Variants in STT3B observed in about 807,000 individuals in gnomAD.
STT3B encodes dolichyl-diphosphooligosaccharide--protein glycosyltransferase subunit STT3B.
In STT3B, 29 loss-of-function variants were observed where a neutral mutation model predicts 96.8. That is an observed-to-expected ratio of 0.30 (90% confidence interval 0.22 to 0.41). STT3B has a LOEUF of 0.41. Ranked by LOEUF, STT3B falls within the 10% of genes least tolerant of loss-of-function variation. The pLI, the probability that STT3B is intolerant of heterozygous loss-of-function variation, is 1.00. For missense variants in STT3B, 640 were observed against 1,022.3 expected (o/e 0.63, Z 5.10); for synonymous variants, 367 against 360.0 (o/e 1.02, Z -0.22).
rs1363652117 is a variant in STT3B, at chr3:31,594,108, CT to C, written c.712-2688del. On this transcript the variant is annotated intron_variant, in intron 3 of 15. Transcript: ENST00000295770. Reference sequence around the variant, plus strand: ...AATGAAGACCAAATGGTGAGCATGACTTATTGTCTGGGAAAAAACTCAATCC... The same window carrying C: ...AATGAAGACCAAATGGTGAGCATGACTATTGTCTGGGAAAAAACTCAATCC... Among the ~76,000 whole-genome samples the C allele has an allele frequency of 8.5e-5, 13 of 152,320 alleles. No homozygotes were observed. The East Asian group carries it at 2.5e-3, about 29-fold the overall frequency.
chr3:31,605,406 A>C (rs571636233), intron 5 of STT3B, among the ~76,000 whole-genome samples: 28 of 152,184 alleles, frequency 1.8e-4, no homozygotes, highest in Admixed American at 1.8e-3. Context: ...TTTCATCTTG[A>C]ATTGTAGCTC....
intron 1 of STT3B, among the ~76,000 whole-genome samples, chr3:31,545,814 G>GTT (rs11350127): frequency 4.3e-5 from 6 of 138,112 alleles, no homozygotes; most frequent in East Asian, 2.2e-4. Context: ...ATTAGGAGTG[G>GTT]TTTTTTTTTT....
intron 9 of STT3B, 56 bp from the exon 10 acceptor site, chr3:31,622,041 C>A: frequency 1.4e-6 from 2 of 1,422,588 alleles, no homozygotes; most frequent in South Asian, 2.3e-5. Context: ...GTATCTAGTT[C>A]AGTTTCCTGG....
chr3:31,586,455 AG>A (rs1698538376), intron 3 of STT3B, among the ~76,000 whole-genome samples: 1 of 152,054 alleles, frequency 6.6e-6, no homozygotes, highest in Non-Finnish European at 1.5e-5. Context: ...ATCTTCTCTA[AG>A]AGATCTTTGC....
chr3:31,571,099 T>C (rs971164979), intron 1 of STT3B, among the ~76,000 whole-genome samples: 1 of 152,128 alleles, frequency 6.6e-6, no homozygotes, highest in Non-Finnish European at 1.5e-5. Flanking sequence ...AGGAGAGTAT[T>C]TGTCAACTAG....
At chr3:31,611,286 GTTAT>G (rs1177537298) in intron 5 of STT3B, among the ~76,000 whole-genome samples, 1 of 152,044 alleles carries the variant, frequency 6.6e-6, no homozygotes, top group African/African-American at 2.4e-5. Flanking sequence ...TAATATTATG[GTTAT>G]TTGTTTACAT....
chr3:31,563,153 T>C (rs1057348440), intron 1 of STT3B, among the ~76,000 whole-genome samples: 2 of 152,208 alleles, frequency 1.3e-5, no homozygotes, highest in African/African-American at 4.8e-5. Context: ...TTGAATTTCA[T>C]TGTTCTCTCT....
intron 3 of STT3B, among the ~76,000 whole-genome samples, chr3:31,588,640 T>C (rs1698599294): frequency 6.6e-6 from 1 of 152,102 alleles, no homozygotes; most frequent in Admixed American, 6.6e-5. Flanking sequence ...TTCTAGAAAG[T>C]GTTGCACTTT....
intron 5 of STT3B, among the ~76,000 whole-genome samples, chr3:31,614,554 T>G (rs1417963205): frequency 6.6e-6 from 1 of 151,974 alleles, no homozygotes. Context: ...TTGACTTCTG[T>G]GTACTTAGTT....
Position 31,633,284 on chromosome 3 carries a change from T to C in STT3B, c.2400+137T>C. The C allele has an allele frequency of 6.5e-6, 5 of 764,468 alleles. No individual in the cohort carries two copies. In the South Asian group the frequency reaches 9.5e-5, roughly 15 times the overall value. The allele number at this position is 764,468 out of a possible 1,614,324, so 47.4% of individuals were successfully genotyped here. On this transcript the variant is annotated intron_variant, in intron 15 of 15. Coordinates refer to ENST00000295770, the MANE Select transcript of STT3B (RefSeq NM_178862.3). ...GGCTTCTATATTAATACGAAGTAAATATCAGCCTAGCCTGCTAGGAGCATT... is the reference window on the plus strand; with the variant it reads ...GGCTTCTATATTAATACGAAGTAAACATCAGCCTAGCCTGCTAGGAGCATT...
At chr3:31,630,052 C>T (rs947976391) in intron 14 of STT3B, among the ~76,000 whole-genome samples, 1 of 152,138 alleles carries the variant, frequency 6.6e-6, no homozygotes, top group African/African-American at 2.4e-5. Flanking sequence ...CCTTGGATTC[C>T]ACTTGGTTCT....
At chr3:31,624,159 T>C (rs1463115525) in intron 11 of STT3B, among the ~76,000 whole-genome samples, 1 of 152,200 alleles carries the variant, frequency 6.6e-6, no homozygotes, top group Non-Finnish European at 1.5e-5. Context: ...TATTTTTAAA[T>C]GTATAATTAA....
chr3:31,615,198 C>T lies in STT3B; in HGVS notation c.971C>T (p.Ala324Val). Reference protein sequence around the residue: ...QPIRTSEHMAAAGVFALLQAY... With the variant: ...QPIRTSEHMAVAGVFALLQAY... ...ATCAGAACAAGTGAACACATGGCAG[C>T]TGCAGGTATGAAAAATATATATTTT... The change falls in exon 6 of 16, where the codon GCT becomes GTT. Residue 324 changes from alanine (A) to valine (V), a missense_variant. Ala to Val is a moderately conservative substitution (Grantham distance 64). This residue lies in a region of STT3B where 267 missense variants were observed against 388.3 expected (regional missense o/e 0.69). Coordinates refer to ENST00000295770, the MANE Select transcript of STT3B (RefSeq NM_178862.3). 6.2e-7 allele frequency: 1 copy of T among 1,602,936 alleles called. No individual in the cohort carries two copies. The highest frequency in any genetic ancestry group is 8.5e-7 in the Non-Finnish European group (1 of 1,172,142).
In STT3B at chr3:31,622,225, G is replaced by T; in HGVS notation, c.1456G>T (p.Asp486Tyr). 2 of 1,614,134 alleles carry T rather than the reference G, an allele frequency of 1.2e-6. No individual in the cohort carries two copies. The highest frequency in any genetic ancestry group is 1.7e-6 in the Non-Finnish European group (2 of 1,179,980). ...AAATGTTTTTGAGCACTATTTGGGG[G>T]ATGACATGAAAAGGGAAAATCCACC... The part of the protein sequence containing the change: ...FSNVFEHYLG[D>Y]DMKRENPPVE... Residue 486 changes from aspartate to tyrosine, a missense_variant, in exon 10 of 16, where the codon GAT (aspartate) becomes TAT (tyrosine). Physicochemically the swap from Asp to Tyr is radical, Grantham distance 160. Transcript: ENST00000295770.
chr3:31,627,078 C>G (rs554468215), intron 13 of STT3B, among the ~76,000 whole-genome samples: 1 of 152,278 alleles, frequency 6.6e-6, no homozygotes, highest in African/African-American at 2.4e-5. Flanking sequence ...ATACTCACAT[C>G]TGTACTCATC....
chr3:31,558,865 T>G (rs1697788848), intron 1 of STT3B, among the ~76,000 whole-genome samples: 1 of 62,492 alleles, frequency 1.6e-5, no homozygotes, highest in African/African-American at 1.4e-4. Context: ...CTGTTCAGGT[T>G]TTTTTTTTTT....
chr3:31,629,703 C>T (rs867496295), intron 14 of STT3B, among the ~76,000 whole-genome samples: 1 of 152,270 alleles, frequency 6.6e-6, no homozygotes, highest in Middle Eastern at 3.4e-3. Context: ...AAGTATTGTT[C>T]TCCAAGAAGA....
At chr3:31,548,076 G>A (rs1575407854) in intron 1 of STT3B, among the ~76,000 whole-genome samples, 2 of 152,238 alleles carry the variant, frequency 1.3e-5, no homozygotes, top group South Asian at 2.1e-4. Context: ...CTGTTTGGTT[G>A]GAACAGGAGT....
chr3:31,609,079 C>T (rs1559384818), intron 5 of STT3B, among the ~76,000 whole-genome samples: 1 of 152,172 alleles, frequency 6.6e-6, no homozygotes, highest in Non-Finnish European at 1.5e-5. Flanking sequence ...CATGCCACTG[C>T]ACTCCAGCCT....
Sources: gnomAD v4.1 joint callset for allele counts (sites outside exome capture counted in the v4.1 genomes callset) on GRCh38, gnomAD v4.1.1 for gene constraint, gnomAD v4.1.1 regional missense constraint, MANE v1.5 for transcripts, NCBI Gene and HGNC (gene_info 2026-07-23, HGNC 2026-07-21) for gene names.